DMD: variants seen among roughly 807,000 people sequenced by gnomAD.
DMD encodes the protein mutant dystrophin.
Under a neutral mutation model 330.1 loss-of-function variants are expected in DMD, and 63 were observed. The ratio of observed to expected loss-of-function variants is 0.19; its 90% confidence interval spans 0.16 to 0.24. The LOEUF is 0.24. Among genes scored for constraint, DMD ranks in the 10% least tolerant of loss-of-function variants. The pLI, the probability that DMD is intolerant of heterozygous loss-of-function variation, is 1.00. For synonymous variants in DMD, 1,223 were observed against 959.8 expected, an observed-to-expected ratio of 1.27 and a Z score of -5.07; for missense variants, 3,344 against 2,684.1, an observed-to-expected ratio of 1.25 and a Z score of -5.43.
chrX:31,531,083 C>T (rs1390616772), intron 55 of DMD, among the ~76,000 whole-genome samples: 1 of 75,743 alleles, frequency 1.3e-5, no homozygotes, highest in African/African-American at 5.8e-5. Flanking sequence ...CATTGTTGGA[C>T]ATTTGGGTTG....
chrX:31,578,108 G>A lies in DMD; in HGVS notation c.8217+49565C>T, dbSNP rs1264666380. On this transcript the variant is annotated intron_variant, in intron 55 of 78. Transcript: ENST00000357033. ...CAATATGTTATGTTAGATCAGAGCAGTGCTAGTCATTGAGTTTTAAAATCC... is the reference window on the plus strand; with the variant it reads ...CAATATGTTATGTTAGATCAGAGCAATGCTAGTCATTGAGTTTTAAAATCC... Among the ~76,000 whole-genome samples the A allele has an allele frequency of 4.5e-5, 5 of 111,515 alleles. No homozygotes were observed. The Admixed American group carries it at 4.8e-4, about 11-fold the overall frequency.
chrX:31,121,446 GTGTGTGTGTGTGTTTGT>G lies in DMD; in HGVS notation c.*456_*472del, dbSNP rs2032516024. The G allele has an allele frequency of 1.5e-5, 2 of 131,069 alleles. No homozygotes were observed. Among genetic ancestry groups the G allele is most frequent in the Non-Finnish European group, 2.7e-5 (2 of 73,235 alleles). The allele number at this position is 131,069 out of a possible 1,213,427, so 10.8% of individuals were successfully genotyped here. ...AAGTTTTGTGTGTGTGTGTGTATGT[GTGTGTGTGTGTGTTTGT>G]TTTGTTTTTAGGGGTTTTTATAAAC... On this transcript the variant is annotated 3_prime_UTR_variant, in exon 79 of 79. Coordinates refer to ENST00000357033, the MANE Select transcript of DMD (RefSeq NM_004006.3).
At chrX:32,442,639 T>G (rs1489330646) in intron 27 of DMD, among the ~76,000 whole-genome samples, 1 of 111,036 alleles carries the variant, frequency 9.0e-6, no homozygotes, top group Non-Finnish European at 1.9e-5. Flanking sequence ...ACAACTCCAC[T>G]TTTTGATATG....
intron 48 of DMD, among the ~76,000 whole-genome samples, chrX:31,857,380 GAAAAAAAA>G (rs57685055): frequency 0.22 from 8,185 of 36,592 alleles, 497 homozygotes; most frequent in Admixed American, 0.42. Context: ...CTCCACCTCG[GAAAAAAAA>G]AAAAAAAAAA....
rs755828548 is a variant in DMD at position 32,667,833 on chromosome X, A to T, written c.961-22681T>A. 4.0e-5 allele frequency among the ~76,000 whole-genome samples: 4 copies of T among 100,084 alleles called. No individual in the cohort carries two copies. The East Asian group carries it at 1.3e-3, about 32-fold the overall frequency. The allele number at this position is 100,084 out of a possible 115,157, so 86.9% of individuals were successfully genotyped here. A position where few individuals can be genotyped will look rare whatever the true frequency, so the allele number is the denominator to read the frequency against. ...TAATGGTAAATCTAATTGCATCTTG[A>T]TGAGCTACTTAAAAATACCCTTAAG... is the stretch of plus-strand genomic sequence containing the variant. On this transcript the variant is annotated intron_variant, in intron 9 of 78. Transcript: ENST00000357033.
At chrX:32,179,099 A>C (rs772868783) in intron 44 of DMD, among the ~76,000 whole-genome samples, 1 of 109,778 alleles carries the variant, frequency 9.1e-6, no homozygotes, top group African/African-American at 3.3e-5. Flanking sequence ...TGTTTTGGAC[A>C]CTAGCCATAA....
chrX:32,745,077 C>A (rs1285836443), intron 7 of DMD, among the ~76,000 whole-genome samples: 2 of 111,798 alleles, frequency 1.8e-5, no homozygotes, highest in Non-Finnish European at 3.8e-5. Context: ...ACAACCACTC[C>A]TTGCTAAGTT....
At chrX:31,698,448 C>T (rs2083583553) in intron 52 of DMD, among the ~76,000 whole-genome samples, 1 of 111,952 alleles carries the variant, frequency 8.9e-6, no homozygotes, top group South Asian at 3.7e-4. Flanking sequence ...AAAGCTAGGA[C>T]ACAACTATAC....
chrX:31,693,738 G>C (rs775756892), intron 52 of DMD, among the ~76,000 whole-genome samples: 1 of 111,591 alleles, frequency 9.0e-6, no homozygotes, highest in South Asian at 3.7e-4. Context: ...AAAGATCTGC[G>C]TGTTGAAACT....
In DMD at chrX:32,453,049, T is replaced by G. The variant is rs141372503; in HGVS notation, c.3603+1613A>C. 6.2e-3 allele frequency among the ~76,000 whole-genome samples: 695 copies of G among 111,228 alleles called. 7 individuals are homozygous for G. The highest frequency in any genetic ancestry group is 0.049 in the South Asian group (130 of 2,671). ...CAATTCTTCATAAATGCTCTATAAG[T>G]CAAGTTTTTCTAAAATAGCATCCTA... On this transcript the variant is annotated intron_variant, in intron 26 of 78. Transcript: ENST00000357033.
chrX:33,326,205 C>T (rs1195067546), intron 1 of DMD, among the ~76,000 whole-genome samples: 1 of 108,998 alleles, frequency 9.2e-6, no homozygotes, highest in African/African-American at 3.3e-5. Flanking sequence ...CTCATTACTA[C>T]TTTAAGTTAA....
In DMD at chrX:32,628,649, T is replaced by A. The variant is rs184216587; in HGVS notation, c.1332-14196A>T. ...TTCTTCTGCTTTTTTGATGTAGGTA[T>A]TTATACCTATAAACTTTCCTCATAG... On this transcript the variant is annotated intron_variant, in intron 11 of 78. Transcript: ENST00000357033. 1.4e-4 allele frequency among the ~76,000 whole-genome samples: 15 copies of A among 110,757 alleles called. No individual in the cohort carries two copies. The Admixed American group carries it at 1.5e-3, about 11-fold the overall frequency.
intron 47 of DMD, among the ~76,000 whole-genome samples, chrX:31,901,517 T>C (rs1263988841): frequency 9.0e-6 from 1 of 111,486 alleles, no homozygotes; most frequent in Non-Finnish European, 1.9e-5. Flanking sequence ...TGTACTACCG[T>C]CCTTTGTTGC....
intron 52 of DMD, among the ~76,000 whole-genome samples, chrX:31,694,629 TATATATATATATATATATATAC>T (rs965391393): frequency 7.9e-5 from 7 of 88,372 alleles, no homozygotes. Flanking sequence ...TATATATATA[TATATATATATATATATATATAC>T]ACACACATAT....
intron 44 of DMD, among the ~76,000 whole-genome samples, chrX:32,140,803 C>A (rs1290338826): frequency 9.0e-6 from 1 of 110,663 alleles, no homozygotes; most frequent in Non-Finnish European, 1.9e-5. Flanking sequence ...ATGGGGGAAA[C>A]CGCCCCCATG....
At chrX:32,913,683 G>A (rs1171483929) in intron 2 of DMD, among the ~76,000 whole-genome samples, 1 of 111,625 alleles carries the variant, frequency 9.0e-6, no homozygotes, top group Non-Finnish European at 1.9e-5. Flanking sequence ...CATGCTAACA[G>A]CCCACCAGGT....
At chrX:33,305,580 T>A (rs5971711) in intron 1 of DMD, among the ~76,000 whole-genome samples, 192 of 87,040 alleles carry the variant, frequency 2.2e-3, no homozygotes, top group Admixed American at 5.0e-3. Context: ...TAATAAAATT[T>A]AAAAAAAATG....
chrX:32,248,629 T>C (rs1398946862), intron 43 of DMD, among the ~76,000 whole-genome samples: 1 of 110,067 alleles, frequency 9.1e-6, no homozygotes, highest in Non-Finnish European at 1.9e-5. Flanking sequence ...AGTAATTAAC[T>C]CATTGCAAAC....
chrX:32,296,376 A>G (rs1444093178), intron 42 of DMD, among the ~76,000 whole-genome samples: 2 of 111,053 alleles, frequency 1.8e-5, no homozygotes, highest in Non-Finnish European at 3.8e-5. Flanking sequence ...GGGCAACAAG[A>G]GTGAAACTCT....
Sources: gnomAD v4.1 joint callset for allele counts (sites outside exome capture counted in the v4.1 genomes callset) on GRCh38, gnomAD v4.1.1 for gene constraint, MANE v1.5 for transcripts, NCBI Gene and HGNC (gene_info 2026-07-23, HGNC 2026-07-21) for gene names.